RYK: variants seen among roughly 807,000 people sequenced by gnomAD.
The protein encoded by RYK is receptor like tyrosine kinase.
Under a neutral mutation model 70.2 loss-of-function variants are expected in RYK, and 21 were observed. The observed-to-expected ratio is 0.30, with a 90% CI of 0.21 to 0.43. The LOEUF is 0.43. RYK is among the 20% of genes least tolerant of loss of function. The pLI, the probability that RYK is intolerant of heterozygous loss-of-function variation, is 1.00. For missense variants in RYK, 604 were observed against 753.3 expected (o/e 0.80, Z 2.32); for synonymous variants, 267 against 278.0 (o/e 0.96, Z 0.39).
At chr3:134,199,594 C>T (rs1402400996) in intron 6 of RYK, among the ~76,000 whole-genome samples, 1 of 152,180 alleles carries the variant, frequency 6.6e-6, no homozygotes, top group Non-Finnish European at 1.5e-5. Context: ...ACAGAAAACA[C>T]TCAATAAATG....
intron 10 of RYK, among the ~76,000 whole-genome samples, chr3:134,182,540 G>A (rs2013332875): frequency 6.6e-6 from 1 of 151,980 alleles, no homozygotes; most frequent in African/African-American, 2.4e-5. Context: ...AGATACAGAT[G>A]GATAAATACA....
rs540095711 is a variant in RYK at position 134,200,719 on chromosome 3, T to C, written c.788+2011A>G. On this transcript the variant is annotated intron_variant, in intron 6 of 14. Transcript: ENST00000623711. ...GGAGAACTGAGACACACATAGGCTA[T>C]ATAACTTAATCCATGTAGCCCATAA... is the stretch of plus-strand genomic sequence containing the variant. 1.1e-4 allele frequency among the ~76,000 whole-genome samples: 17 copies of C among 152,346 alleles called. No individual in the cohort carries two copies. The South Asian group carries it at 3.5e-3, about 32-fold the overall frequency.
chr3:134,209,597 A>G, intron 4 of RYK, 98 bp downstream of exon 4: 1 of 859,208 alleles, frequency 1.2e-6, no homozygotes. Flanking sequence ...AACTATAATC[A>G]TGAGTTGGAC....
intron 9 of RYK, among the ~76,000 whole-genome samples, chr3:134,185,427 G>A (rs2013429917): frequency 6.6e-6 from 1 of 152,126 alleles, no homozygotes; most frequent in Non-Finnish European, 1.5e-5. Context: ...TCCATTACTT[G>A]CTACTAAGTG....
chr3:134,202,492 G>A (rs1303705340), intron 6 of RYK: 2 of 431,794 alleles, frequency 4.6e-6, no homozygotes, highest in East Asian at 9.3e-5. Flanking sequence ...AAAACTACTT[G>A]TTCTCCACTT....
chr3:134,196,582 AACACACACACACACACAC>A lies in RYK; in HGVS notation c.789-1418_789-1401del, dbSNP rs57185535. 1.8e-4 allele frequency among the ~76,000 whole-genome samples: 23 copies of A among 128,496 alleles called. No homozygotes were observed. The East Asian group carries it at 2.8e-3, about 15-fold the overall frequency. 84.3% of individuals were successfully genotyped at this position (128,496 alleles called of 152,430 possible). ...TAGTGAGACCCTGTCTCTGAAACAA[AACACACACACACACACAC>A]ACACACACACACACACACACACACA... On this transcript the variant is annotated intron_variant, in intron 6 of 14. Transcript: ENST00000623711.
intron 7 of RYK, 67 bp downstream of exon 7, chr3:134,195,015 G>A: frequency 9.1e-7 from 1 of 1,098,468 alleles, no homozygotes; most frequent in Non-Finnish European, 1.4e-6. Context: ...CACTAACCAT[G>A]CAAGACCACT....
At chr3:134,225,451 G>GA (rs148165578) in intron 1 of RYK, among the ~76,000 whole-genome samples, 249 of 142,336 alleles carry the variant, frequency 1.7e-3, no homozygotes, top group African/African-American at 5.1e-3. Context: ...TAGTACAACT[G>GA]AAAAAAAAAA....
chr3:134,213,099 G>T (rs1035928671), intron 2 of RYK, among the ~76,000 whole-genome samples: 3 of 152,168 alleles, frequency 2.0e-5, no homozygotes, highest in Admixed American at 6.5e-5. Context: ...GGGGGTGCTA[G>T]AGAGCCACAG....
At chr3:134,205,832 T>C (rs181228616) in intron 5 of RYK, among the ~76,000 whole-genome samples, 1 of 152,278 alleles carries the variant, frequency 6.6e-6, no homozygotes, top group Admixed American at 6.5e-5. Flanking sequence ...CACTACATTA[T>C]AAACCCCCGA....
chr3:134,185,143 TAA>T (rs1491011409), intron 9 of RYK, among the ~76,000 whole-genome samples: 1 of 106,786 alleles, frequency 9.4e-6, no homozygotes, highest in African/African-American at 3.1e-5. Flanking sequence ...ATAAATTAAT[TAA>T]TTAATTAAAT....
intron 13 of RYK, among the ~76,000 whole-genome samples, chr3:134,174,733 A>C (rs1319690882): frequency 6.6e-6 from 1 of 152,192 alleles, no homozygotes; most frequent in Non-Finnish European, 1.5e-5. Context: ...CATGGCTGTA[A>C]AATATGAACA....
chr3:134,229,781 T>C (rs887210409), intron 1 of RYK, among the ~76,000 whole-genome samples: 1 of 152,070 alleles, frequency 6.6e-6, no homozygotes, highest in Non-Finnish European at 1.5e-5. Flanking sequence ...CATAATTATA[T>C]ACATACCCAA....
chr3:134,209,015 G>T (rs148638447), intron 4 of RYK, among the ~76,000 whole-genome samples: 1 of 152,094 alleles, frequency 6.6e-6, no homozygotes, highest in African/African-American at 2.4e-5. Flanking sequence ...CAGTGAGTGG[G>T]TTGGACTAAA....
intron 8 of RYK, among the ~76,000 whole-genome samples, chr3:134,190,548 A>C (rs1332744661): frequency 1.3e-5 from 2 of 152,008 alleles, no homozygotes; most frequent in African/African-American, 4.8e-5. Context: ...TTTTTCACAA[A>C]CTAACGTAAA....
chr3:134,174,135 A>G (rs1186112386), intron 13 of RYK, among the ~76,000 whole-genome samples: 1 of 152,196 alleles, frequency 6.6e-6, no homozygotes, highest in Admixed American at 6.5e-5. Flanking sequence ...AGAGGGATGG[A>G]ACCGCAAGCC....
intron 1 of RYK, among the ~76,000 whole-genome samples, chr3:134,228,358 A>G (rs1408184270): frequency 6.6e-6 from 1 of 152,168 alleles, no homozygotes. Flanking sequence ...TCCAAAGAAA[A>G]TGAAATTAGT....
chr3:134,220,282 T>C (rs367597661), intron 2 of RYK, among the ~76,000 whole-genome samples: 19 of 152,238 alleles, frequency 1.2e-4, no homozygotes, highest in African/African-American at 3.1e-4. Context: ...ATGAAGAACA[T>C]TGTTGTGATA....
chr3:134,234,403 T>G (rs2015148712), intron 1 of RYK, among the ~76,000 whole-genome samples: 1 of 152,052 alleles, frequency 6.6e-6, no homozygotes, highest in Non-Finnish European at 1.5e-5. Flanking sequence ...AGAGCAAAAT[T>G]TGGCAAAGTA....
Sources: gnomAD v4.1 joint callset for allele counts (sites outside exome capture counted in the v4.1 genomes callset) on GRCh38, gnomAD v4.1.1 for gene constraint, MANE v1.5 for transcripts, NCBI Gene and HGNC (gene_info 2026-07-23, HGNC 2026-07-21) for gene names.